ACCS: variants seen among roughly 807,000 people sequenced by gnomAD.
ACCS encodes 1-aminocyclopropane-1-carboxylate synthase homolog (inactive).
In ACCS, 42 loss-of-function variants were observed where a neutral mutation model predicts 59.8. The observed-to-expected ratio is 0.70, with a 90% CI of 0.55 to 0.91. The LOEUF (loss-of-function observed/expected upper bound fraction) is 0.91. ACCS is among the 40% of genes least tolerant of loss of function. The pLI is 0.00. For missense variants in ACCS, 602 were observed against 630.4 expected (o/e 0.95, Z 0.48); for synonymous variants, 230 against 240.3 (o/e 0.96, Z 0.40).
Position 44,067,747 on chromosome 11 carries a change from G to A in ACCS, c.120G>A (p.Leu40=). 1.2e-6 allele frequency: 2 copies of A among 1,614,240 alleles called. No individual in the cohort carries two copies. Among genetic ancestry groups the A allele is most frequent in the Non-Finnish European group, 1.7e-6 (2 of 1,180,042 alleles). Residue 40 remains leucine (L), a synonymous_variant, in exon 2 of 15, where the codon CTG becomes CTA. Coordinates refer to ENST00000263776, the MANE Select transcript of ACCS (RefSeq NM_032592.4). ...TGGAAGGAGAATGCTCCAGAAAACT[G>A]GACCAGAAGCTGCCAGAGCTCCGTG... ...EDLEGECSRK[L]DQKLPELRGV...
In ACCS at chr11:44,067,654, C is replaced by A; in HGVS notation, c.27C>A (p.Phe9Leu). 6.2e-7 allele frequency: 1 copy of A among 1,612,448 alleles called. No individual in the cohort carries two copies. The highest frequency in any genetic ancestry group is 8.5e-7 in the Non-Finnish European group (1 of 1,179,214). Residue 9 changes from phenylalanine to leucine, a missense_variant, in exon 2 of 15, where the codon TTC (phenylalanine) becomes TTA (leucine). Physicochemically the swap from Phe to Leu is conservative, Grantham distance 22. Coordinates refer to ENST00000263776, the MANE Select transcript of ACCS (RefSeq NM_032592.4). ...TGTTCACCCTTCCTCAAAAGGACTT[C>A]AGGGCTCCCACCACCTGTCTGGGCC... MFTLPQKDFRAPTTCLGPT... is the reference protein window; with the variant it reads MFTLPQKDLRAPTTCLGPT...
Position 44,083,928 on chromosome 11 carries a change from T to C in ACCS, c.*136T>C. ...CTTGGCTTTGTGCCTGAAGAACTGT[T>C]TCTTGTCTTTCGCTGTAGCAGTGGG... On this transcript the variant is annotated 3_prime_UTR_variant, in exon 15 of 15. Transcript: ENST00000263776. The C allele has an allele frequency of 6.8e-7, 1 of 1,473,142 alleles. No homozygotes were observed. The highest frequency in any genetic ancestry group is 2.3e-5 in the Admixed American group (1 of 43,344). 91.3% of individuals were successfully genotyped at this position (1,473,142 alleles called of 1,614,324 possible).
In ACCS at chr11:44,066,576, C is replaced by T. The variant is rs1213991871; in HGVS notation, c.-126C>T. 3 of 152,296 alleles carry T rather than the reference C, an allele frequency of 2.0e-5. No individual in the cohort carries two copies. 9.4% of individuals were successfully genotyped at this position (152,296 alleles called of 1,614,324 possible). ...GTGCGGGTATCTGGCTGTGGATTCG[C>T]CGCCGTCCTGCTGGACGCCTGGAGG... is the stretch of plus-strand genomic sequence containing the variant. On this transcript the variant is annotated 5_prime_UTR_variant, in exon 1 of 15. Coordinates refer to ENST00000263776, the MANE Select transcript of ACCS (RefSeq NM_032592.4).
chr11:44,080,001 A>G (rs1417838514), intron 10 of ACCS, among the ~76,000 whole-genome samples: 1 of 152,178 alleles, frequency 6.6e-6, no homozygotes, highest in African/African-American at 2.4e-5. Flanking sequence ...AGAGTGTGCC[A>G]AACACCTCTG....
At chr11:44,070,497 A>G (rs1449961281) in intron 2 of ACCS, among the ~76,000 whole-genome samples, 2 of 152,120 alleles carry the variant, frequency 1.3e-5, no homozygotes, top group African/African-American at 2.4e-5. Flanking sequence ...ATTTTGTCAT[A>G]GCCTGAGCTC....
At chr11:44,071,100 C>A (rs889964197) in intron 2 of ACCS, among the ~76,000 whole-genome samples, 156 bp from the exon 3 acceptor site, 1 of 152,142 alleles carries the variant, frequency 6.6e-6, no homozygotes, top group Non-Finnish European at 1.5e-5. Context: ...GGCAGCTGAG[C>A]AGAAGGCACA....
chr11:44,077,034 A>C (rs949805960), intron 6 of ACCS, among the ~76,000 whole-genome samples: 1 of 152,206 alleles, frequency 6.6e-6, no homozygotes, highest in Non-Finnish European at 1.5e-5. Flanking sequence ...CCCTCCTATG[A>C]CGCAGGGGAA....
At chr11:44,074,763 TCTTTCTTTC>T in intron 5 of ACCS, 82 bp downstream of exon 5, 1 of 479,266 alleles carries the variant, frequency 2.1e-6, no homozygotes, top group Non-Finnish European at 3.2e-6. Flanking sequence ...TTTCTTTCTT[TCTTTCTTTC>T]TTTTTCTCTC....
At chr11:44,077,985 T>G in intron 8 of ACCS, 63 bp downstream of exon 8, 2 of 1,557,604 alleles carry the variant, frequency 1.3e-6, no homozygotes, top group Non-Finnish European at 1.7e-6. Flanking sequence ...TCTGGACCCC[T>G]CTTCTTGTGA....
At position 44,083,432 on chromosome 11, in the gene ACCS, C is replaced by G. The variant is rs749945409; in HGVS notation, c.1263C>G (p.Pro421=). 4.4e-5 allele frequency: 71 copies of G among 1,614,144 alleles called. No homozygotes were observed. The South Asian group carries it at 7.5e-4, about 17-fold the overall frequency. ...CCCTTCCACCCTCTCAGTACCTGCC[C>G]AAGGGCACCTTTGAGGAGGAAATGC... is the stretch of plus-strand genomic sequence containing the variant. ...FIWVDLRKYL[P]KGTFEEEMLL... is the part of the protein sequence containing the mutation. Residue 421 remains proline, a synonymous_variant, in exon 14 of 15, where the codon CCC becomes CCG. Transcript: ENST00000263776.
intron 6 of ACCS, 87 bp downstream of exon 6, chr11:44,075,679 G>A: frequency 6.8e-7 from 1 of 1,476,576 alleles, no homozygotes; most frequent in South Asian, 1.2e-5. Context: ...GGCTGCAATA[G>A]TATGCTTTCG....
rs1302047465 is a variant in ACCS, at chr11:44,067,699, G to A, written c.72G>A (p.Leu24=). The change falls in exon 2 of 15, where the codon CTG becomes CTA. Residue 24 remains leucine, a synonymous_variant. Coordinates refer to ENST00000263776, the MANE Select transcript of ACCS (RefSeq NM_032592.4). ...TGGGCCCCACCTGCATGCAGGACCT[G>A]GGCAGTAGCCATGGGGAAGATCTGG... ...TCLGPTCMQD[L]GSSHGEDLEG... is the part of the protein sequence containing the mutation. 1 of 1,614,224 alleles carries A rather than the reference G, an allele frequency of 6.2e-7. No homozygotes were observed. Among genetic ancestry groups the A allele is most frequent in the Admixed American group, 1.7e-5 (1 of 60,026 alleles).
chr11:44,072,054 T>A (rs1419427630), intron 3 of ACCS: 1 of 152,158 alleles, frequency 6.6e-6, no homozygotes, highest in Non-Finnish European at 1.5e-5. Context: ...GTGGCAGAGT[T>A]TGGGTTTGTA....
chr11:44,078,229 G>A, intron 8 of ACCS: 1 of 379,928 alleles, frequency 2.6e-6, no homozygotes, highest in East Asian at 4.7e-5. Flanking sequence ...GAGTACAGGA[G>A]TCTGTGGTTT....
rs537337059 is a variant in ACCS, at chr11:44,072,682, TA to T, written c.349-764del. Among the ~76,000 whole-genome samples, 519 of 152,336 alleles carry T rather than the reference TA, an allele frequency of 3.4e-3. 2 individuals are homozygous for T. The highest frequency in any genetic ancestry group is 0.017 in the Middle Eastern group (5 of 294). The stretch of plus-strand genomic sequence containing the variant: ...ATCAGTACAAAAATTATTAATGATA[TA>T]TTTTACATACTTTTTTCCTACCAAG... On this transcript the variant is annotated intron_variant, in intron 3 of 14. Transcript: ENST00000263776.
chr11:44,079,317 C>A (rs904582261), intron 9 of ACCS: 80 of 544,084 alleles, frequency 1.5e-4, no homozygotes, highest in Middle Eastern at 9.7e-4. Context: ...TTCTCCCCTG[C>A]AGTGCTTCAA....
chr11:44,074,176 G>A (rs891357055), intron 4 of ACCS, among the ~76,000 whole-genome samples: 1 of 152,032 alleles, frequency 6.6e-6, no homozygotes, highest in Non-Finnish European at 1.5e-5. Flanking sequence ...TTCTTTGCCT[G>A]TACAATGGGA....
In ACCS at chr11:44,067,868, T is replaced by C. The variant is rs1952864279; in HGVS notation, c.241T>C (p.Tyr81His). 3 of 1,613,332 alleles carry C rather than the reference T, an allele frequency of 1.9e-6. No homozygotes were observed. Among genetic ancestry groups the C allele is most frequent in the Admixed American group, 1.7e-5 (1 of 59,954 alleles). Residue 81 changes from tyrosine to histidine, a missense_variant, in exon 2 of 15, where the codon TAC becomes CAC. By Grantham distance (83) the Tyr-to-His change is moderately conservative. Coordinates refer to ENST00000263776, the MANE Select transcript of ACCS (RefSeq NM_032592.4). ...GTTCTGGGATTCAGCTGAGGAGGGC[T>C]ACAGGACCTACCACATGGATGAGTA... ...KWFWDSAEEG[Y>H]RTYHMDEYDE... is the part of the protein sequence containing the mutation.
chr11:44,083,169 A>G lies in ACCS; in HGVS notation c.1112A>G (p.Asp371Gly), dbSNP rs1953715396. ...CTTCTGGCCTCTTTCACCCAAACAG[A>G]CTGGATCAACCAGGTGTACCTGCCG... is the stretch of plus-strand genomic sequence containing the variant. ...YQMAQLLRDR[D>G]WINQVYLPEN... Residue 371 changes from aspartate to glycine, a missense_variant and splice_region_variant, in exon 13 of 15, where the codon GAC (aspartate) becomes GGC (glycine). By Grantham distance (94) the Asp-to-Gly change is moderately conservative. Coordinates refer to ENST00000263776, the MANE Select transcript of ACCS (RefSeq NM_032592.4). 6.2e-7 allele frequency: 1 copy of G among 1,613,976 alleles called. No individual in the cohort carries two copies. Among genetic ancestry groups the G allele is most frequent in the Admixed American group, 1.7e-5 (1 of 60,018 alleles).
Sources: allele counts gnomAD v4.1 joint callset (sites outside exome capture counted in the v4.1 genomes callset), GRCh38; gene constraint gnomAD v4.1.1; transcripts MANE v1.5; gene names NCBI Gene and HGNC (gene_info 2026-07-23, HGNC 2026-07-21).